Variants in CNTNAP2 observed in about 807,000 individuals in gnomAD.
The protein encoded by CNTNAP2 is contactin associated protein 2, also known as contactin-associated protein-like 2.
In CNTNAP2, 98 loss-of-function variants were observed where a neutral mutation model predicts 155.2. The ratio of observed to expected loss-of-function variants is 0.63; its 90% confidence interval spans 0.54 to 0.75. The LOEUF is 0.75. CNTNAP2 is among the 30% of genes least tolerant of loss of function. CNTNAP2 has a pLI of 0.00. For missense variants in CNTNAP2, 1,727 were observed against 1,688.1 expected (o/e 1.02, Z -0.40); for synonymous variants, 651 against 631.2 (o/e 1.03, Z -0.47).
intron 8 of CNTNAP2, among the ~76,000 whole-genome samples, chr7:147,133,049 A>T (rs1156913013): frequency 6.6e-6 from 1 of 152,126 alleles, no homozygotes; most frequent in Non-Finnish European, 1.5e-5. Context: ...GTATCAACTG[A>T]CGGAAGACTG....
intron 8 of CNTNAP2, among the ~76,000 whole-genome samples, chr7:147,230,084 G>C (rs1050851620): frequency 1.3e-5 from 2 of 151,598 alleles, no homozygotes; most frequent in Non-Finnish European, 2.9e-5. Flanking sequence ...TGATCCAAAG[G>C]CTTCATACAT....
At chr7:146,754,677 T>C (rs917588926) in intron 1 of CNTNAP2, among the ~76,000 whole-genome samples, 2 of 151,814 alleles carry the variant, frequency 1.3e-5, no homozygotes, top group African/African-American at 4.8e-5. Context: ...ATGGTATCTC[T>C]ACAGTTTTTT....
At chr7:146,368,588 A>T (rs1158173848) in intron 1 of CNTNAP2, among the ~76,000 whole-genome samples, 1 of 152,112 alleles carries the variant, frequency 6.6e-6, no homozygotes, top group Non-Finnish European at 1.5e-5. Flanking sequence ...AGTCAAAAAT[A>T]AAATGTTAAT....
At chr7:147,522,628 G>A (rs1584789411) in intron 11 of CNTNAP2, among the ~76,000 whole-genome samples, 2 of 151,642 alleles carry the variant, frequency 1.3e-5, no homozygotes, top group Non-Finnish European at 2.9e-5. Flanking sequence ...ACATTTTTTT[G>A]CATATTCTCC....
At chr7:147,899,799 C>T (rs1247177866) in intron 13 of CNTNAP2, among the ~76,000 whole-genome samples, 1 of 151,928 alleles carries the variant, frequency 6.6e-6, no homozygotes, top group African/African-American at 2.4e-5. Context: ...GCAGGAGAAT[C>T]CTTTGAACCT....
At chr7:147,419,777 C>G (rs993707180) in intron 10 of CNTNAP2, among the ~76,000 whole-genome samples, 1 of 152,160 alleles carries the variant, frequency 6.6e-6, no homozygotes, top group Admixed American at 6.5e-5. Context: ...TCTTCTTGAT[C>G]TGGTCCCAGA....
chr7:148,343,942 G>C (rs1323846122), intron 21 of CNTNAP2, among the ~76,000 whole-genome samples: 1 of 152,198 alleles, frequency 6.6e-6, no homozygotes, highest in African/African-American at 2.4e-5. Context: ...CCTCTGATCA[G>C]CCTGGAATTG....
intron 9 of CNTNAP2, among the ~76,000 whole-genome samples, chr7:147,313,727 G>T (rs1216943203): frequency 1.3e-5 from 2 of 152,124 alleles, no homozygotes; most frequent in Non-Finnish European, 2.9e-5. Context: ...TTTGGCTTAG[G>T]ACTGACTTGG....
chr7:147,144,606 T>C (rs1282451182), intron 8 of CNTNAP2, among the ~76,000 whole-genome samples: 4 of 152,188 alleles, frequency 2.6e-5, no homozygotes, highest in African/African-American at 4.8e-5. Flanking sequence ...TCGGCATACA[T>C]AGCAAATGGT....
At chr7:146,298,664 GT>G (rs1411977206) in intron 1 of CNTNAP2, among the ~76,000 whole-genome samples, 3 of 152,154 alleles carry the variant, frequency 2.0e-5, no homozygotes, top group Non-Finnish European at 2.9e-5. Flanking sequence ...GCCTCTGAAC[GT>G]TCGATCCACT....
chr7:147,794,716 T>C (rs888171956), intron 13 of CNTNAP2, among the ~76,000 whole-genome samples: 1 of 151,802 alleles, frequency 6.6e-6, no homozygotes, highest in Non-Finnish European at 1.5e-5. Flanking sequence ...CCAGTGAAGC[T>C]TGTACTTTTC....
intron 2 of CNTNAP2, among the ~76,000 whole-genome samples, chr7:146,813,432 C>G (rs1026349997): frequency 4.6e-5 from 7 of 152,196 alleles, no homozygotes; most frequent in African/African-American, 1.7e-4. Flanking sequence ...GGTTTAATGA[C>G]TGCCCTATTG....
intron 2 of CNTNAP2, among the ~76,000 whole-genome samples, chr7:146,822,389 T>G (rs1803304320): frequency 6.6e-6 from 1 of 151,436 alleles, no homozygotes; most frequent in African/African-American, 2.4e-5. Flanking sequence ...AGTTAATGGG[T>G]GCAGCACACC....
chr7:147,426,977 C>A (rs1264380727), intron 10 of CNTNAP2, among the ~76,000 whole-genome samples: 1 of 152,080 alleles, frequency 6.6e-6, no homozygotes, highest in African/African-American at 2.4e-5. Flanking sequence ...ATACCACAGA[C>A]TAGGTAATTT....
chr7:146,314,445 G>A (rs534295130), intron 1 of CNTNAP2, among the ~76,000 whole-genome samples: 2 of 152,280 alleles, frequency 1.3e-5, no homozygotes, highest in East Asian at 1.9e-4. Flanking sequence ...TTTCAGAGAA[G>A]CTGAGAGCCA....
intron 8 of CNTNAP2, among the ~76,000 whole-genome samples, chr7:147,289,784 G>C (rs777486866): frequency 1.3e-5 from 2 of 152,112 alleles, no homozygotes; most frequent in Non-Finnish European, 2.9e-5. Flanking sequence ...ATTGATCTCT[G>C]TAAGTTCAAC....
At chr7:146,911,521 T>C (rs1375915859) in intron 3 of CNTNAP2, among the ~76,000 whole-genome samples, 3 of 151,652 alleles carry the variant, frequency 2.0e-5, no homozygotes, top group African/African-American at 7.3e-5. Context: ...ATGGATGAAA[T>C]TGGAAATCAT....
intron 3 of CNTNAP2, among the ~76,000 whole-genome samples, chr7:146,940,478 C>T (rs1467024800): frequency 2.6e-5 from 4 of 151,994 alleles, no homozygotes; most frequent in African/African-American, 7.2e-5. Context: ...CAGGCGTGAG[C>T]CACCGCACCC....
chr7:148,259,249 G>T lies in CNTNAP2; in HGVS notation c.3382-7784G>T, dbSNP rs113188530. On this transcript the variant is annotated intron_variant, in intron 20 of 23. Transcript: ENST00000361727. Reference sequence around the variant, plus strand: ...TATGCACCTGTGGTCCCAGCTACTCGGTAGGCTAAGGTGGAAGGATCACTT... The same window carrying T: ...TATGCACCTGTGGTCCCAGCTACTCTGTAGGCTAAGGTGGAAGGATCACTT... Among the ~76,000 whole-genome samples, 3 of 140,920 alleles carry T rather than the reference G, an allele frequency of 2.1e-5. No individual in the cohort carries two copies. In the Admixed American group the frequency reaches 2.2e-4, roughly 10 times the overall value. 92.4% of individuals were successfully genotyped at this position (140,920 alleles called of 152,430 possible).
Sources: gnomAD v4.1 joint callset for allele counts (sites outside exome capture counted in the v4.1 genomes callset) on GRCh38, gnomAD v4.1.1 for gene constraint, MANE v1.5 for transcripts, NCBI Gene and HGNC (gene_info 2026-07-23, HGNC 2026-07-21) for gene names.